NKAIN3: variants seen among roughly 807,000 people sequenced by gnomAD.
NKAIN3 encodes sodium/potassium-transporting ATPase subunit beta-1-interacting protein 3.
A neutral mutation model predicts 30.2 loss-of-function variants in NKAIN3; 25 were observed. That is an observed-to-expected ratio of 0.83 (90% CI 0.60 to 1.16). The LOEUF (loss-of-function observed/expected upper bound fraction) is 1.16, where lower values mean the gene tolerates loss of function less well. Among genes scored for constraint, NKAIN3 ranks in the 50% most tolerant of loss-of-function variants. NKAIN3 has a pLI of 0.00. For missense variants in NKAIN3, 225 were observed against 254.1 expected, an observed-to-expected ratio of 0.89 and a Z score of 0.78; for synonymous variants, 91 against 89.6, an observed-to-expected ratio of 1.02 and a Z score of -0.09.
intron 1 of NKAIN3, among the ~76,000 whole-genome samples, chr8:62,528,302 A>ATAT (rs1277808208): frequency 1.5e-4 from 15 of 98,624 alleles, no homozygotes; most frequent in Non-Finnish European, 2.5e-4. Flanking sequence ...TATATATATT[A>ATAT]TATTATATAT....
intron 1 of NKAIN3, among the ~76,000 whole-genome samples, chr8:62,404,899 A>G (rs1804013445): frequency 6.6e-6 from 1 of 152,106 alleles, no homozygotes; most frequent in South Asian, 2.1e-4. Context: ...GGTCTCACCT[A>G]TGGCCCATGG....
intron 3 of NKAIN3, among the ~76,000 whole-genome samples, chr8:62,661,761 G>C (rs1812952656): frequency 6.6e-6 from 1 of 152,170 alleles, no homozygotes; most frequent in African/African-American, 2.4e-5. Flanking sequence ...CCTCTGGCTG[G>C]TATCTGCTGA....
At chr8:62,914,747 T>G (rs906326699) in intron 4 of NKAIN3, among the ~76,000 whole-genome samples, 1 of 152,078 alleles carries the variant, frequency 6.6e-6, no homozygotes, top group African/African-American at 2.4e-5. Flanking sequence ...TAATTTTCTT[T>G]TTTTAAGTTT....
chr8:62,746,251 A>T (rs4739002), intron 3 of NKAIN3, among the ~76,000 whole-genome samples: 33,865 of 152,046 alleles, frequency 0.22, 4,706 homozygotes, highest in African/African-American at 0.38. Context: ...TGCCTCTTCT[A>T]CCTTGTGTCT....
intron 3 of NKAIN3, among the ~76,000 whole-genome samples, chr8:62,653,621 C>A (rs1563501483): frequency 6.6e-6 from 1 of 152,128 alleles, no homozygotes; most frequent in Non-Finnish European, 1.5e-5. Context: ...ATACAAGTGT[C>A]CTGAAAGGAA....
intron 3 of NKAIN3, among the ~76,000 whole-genome samples, chr8:62,679,457 GT>G (rs1293088977): frequency 6.6e-5 from 10 of 152,160 alleles, no homozygotes; most frequent in Non-Finnish European, 1.5e-4. Context: ...TTGTGAACAT[GT>G]TGCCTTGAAT....
At chr8:62,901,460 A>T (rs1821611486) in intron 4 of NKAIN3, among the ~76,000 whole-genome samples, 1 of 152,160 alleles carries the variant, frequency 6.6e-6, no homozygotes, top group Non-Finnish European at 1.5e-5. Flanking sequence ...GAAGAGAGAG[A>T]GAGTGAGAAA....
At chr8:62,727,870 T>G (rs1180991224) in intron 3 of NKAIN3, among the ~76,000 whole-genome samples, 2 of 152,144 alleles carry the variant, frequency 1.3e-5, no homozygotes, top group African/African-American at 4.8e-5. Context: ...AAAAAATCTG[T>G]TTTATTGAGG....
At chr8:62,990,268 C>A (rs1192285155) in intron 5 of NKAIN3, 1 of 1,505,728 alleles carries the variant, frequency 6.6e-7, no homozygotes, top group Non-Finnish European at 8.9e-7. Context: ...ATTGTCACAT[C>A]AGTCAAGCCT....
chr8:62,723,076 CA>C (rs1815141430), intron 3 of NKAIN3, among the ~76,000 whole-genome samples: 1 of 152,048 alleles, frequency 6.6e-6, no homozygotes, highest in African/African-American at 2.4e-5. Flanking sequence ...TCTTATTTTG[CA>C]GAGGATTCAA....
rs1445196407 is a variant in NKAIN3 at position 62,791,964 on chromosome 8, TTG to T, written c.471+44838_471+44839del. 2.6e-5 allele frequency among the ~76,000 whole-genome samples: 4 copies of T among 152,314 alleles called. No individual in the cohort carries two copies. The East Asian group carries it at 7.7e-4, about 29-fold the overall frequency. On this transcript the variant is annotated intron_variant, in intron 4 of 6. Coordinates refer to ENST00000623646, the MANE Select transcript of NKAIN3 (RefSeq NM_001304533.3). ...AACCTGATGTTTTGATATGTATGCA[TTG>T]TGAGATAATTACACTATCAAGTTAA...
At chr8:62,892,738 A>G (rs1458389381) in intron 4 of NKAIN3, among the ~76,000 whole-genome samples, 1 of 152,180 alleles carries the variant, frequency 6.6e-6, no homozygotes, top group Non-Finnish European at 1.5e-5. Flanking sequence ...TATTTAGGTC[A>G]TTGTTTATTC....
rs1395801176 is a variant in NKAIN3, at chr8:62,933,813, A to T, written c.532+15300A>T. On this transcript the variant is annotated intron_variant, in intron 5 of 6. Coordinates refer to ENST00000623646, the MANE Select transcript of NKAIN3 (RefSeq NM_001304533.3). ...GTTTTCAAGAATTTTTTCCAATCTT[A>T]TTTTCTCCTGAATAAAAGGTTCCTC... 2.0e-5 allele frequency among the ~76,000 whole-genome samples: 3 copies of T among 152,162 alleles called. No individual in the cohort carries two copies. In the East Asian group the frequency reaches 5.8e-4, roughly 29 times the overall value.
At chr8:62,948,096 G>C (rs969572332) in intron 5 of NKAIN3, among the ~76,000 whole-genome samples, 2 of 152,168 alleles carry the variant, frequency 1.3e-5, no homozygotes, top group Non-Finnish European at 2.9e-5. Flanking sequence ...CAACTAGTAA[G>C]TGTAGAGCTG....
intron 3 of NKAIN3, among the ~76,000 whole-genome samples, chr8:62,738,780 T>G (rs1815763129): frequency 6.6e-6 from 1 of 152,206 alleles, no homozygotes; most frequent in African/African-American, 2.4e-5. Flanking sequence ...GTAGGTTGCC[T>G]ATTCACTCTG....
intron 4 of NKAIN3, among the ~76,000 whole-genome samples, chr8:62,885,360 G>C (rs1296243585): frequency 6.6e-6 from 1 of 152,166 alleles, no homozygotes; most frequent in Non-Finnish European, 1.5e-5. Context: ...TGTATGATTT[G>C]TATGCTTTAA....
intron 3 of NKAIN3, among the ~76,000 whole-genome samples, chr8:62,706,750 A>C (rs2130482234): frequency 6.6e-6 from 1 of 152,100 alleles, no homozygotes; most frequent in South Asian, 2.1e-4. Context: ...TAAGTTCTTT[A>C]GTGGTGATTT....
chr8:62,697,416 C>T (rs1814195425), intron 3 of NKAIN3, among the ~76,000 whole-genome samples: 1 of 152,206 alleles, frequency 6.6e-6, no homozygotes, highest in African/African-American at 2.4e-5. Flanking sequence ...CTTTCTGCCT[C>T]CCTTTCTTCA....
intron 1 of NKAIN3, among the ~76,000 whole-genome samples, chr8:62,544,405 TG>T (rs1361857963): frequency 6.6e-6 from 1 of 152,190 alleles, no homozygotes; most frequent in Non-Finnish European, 1.5e-5. Context: ...CAATAATACA[TG>T]TTTACTATAG....
Sources: gnomAD v4.1 joint callset for allele counts (sites outside exome capture counted in the v4.1 genomes callset) on GRCh38, gnomAD v4.1.1 for gene constraint, MANE v1.5 for transcripts, NCBI Gene and HGNC (gene_info 2026-07-23, HGNC 2026-07-21) for gene names.